Variants in SPATA6 observed in about 807,000 individuals in gnomAD.
SPATA6 encodes the protein spermatogenesis-associated protein 6.
A neutral mutation model predicts 65.3 loss-of-function variants in SPATA6; 56 were observed. The observed-to-expected ratio is 0.86, with a 90% CI of 0.69 to 1.07. The LOEUF (loss-of-function observed/expected upper bound fraction) is 1.07, where lower values mean the gene tolerates loss of function less well. Among genes scored for constraint, SPATA6 ranks in the 50% least tolerant of loss-of-function variants. The pLI is 0.00. For missense variants in SPATA6, 590 were observed against 594.8 expected (o/e 0.99, Z 0.08); for synonymous variants, 199 against 213.2 (o/e 0.93, Z 0.58).
chr1:48,381,352 A>G (rs1648554874), intron 9 of SPATA6, among the ~76,000 whole-genome samples: 1 of 152,220 alleles, frequency 6.6e-6, no homozygotes, highest in South Asian at 2.1e-4. Flanking sequence ...CTTGGTAAAA[A>G]TAGAAAATTC....
Position 48,296,647 on chromosome 1 carries a change from A to G in SPATA6, c.*2066T>C, listed in dbSNP as rs1394277000. 1 of 152,200 alleles carries G rather than the reference A, an allele frequency of 6.6e-6. No individual in the cohort carries two copies. The highest frequency in any genetic ancestry group is 1.5e-5 in the Non-Finnish European group (1 of 68,024). 9.4% of individuals were successfully genotyped at this position (152,200 alleles called of 1,614,324 possible). A position where few individuals can be genotyped will look rare whatever the true frequency, so the allele number is the denominator to read the frequency against. On this transcript the variant is annotated 3_prime_UTR_variant, in exon 13 of 13. Coordinates refer to ENST00000371847, the MANE Select transcript of SPATA6 (RefSeq NM_019073.4). ...TTTTCCATGGAAAAACACTGAGGAT[A>G]TAATTTTTTTAAAAGAGCATTATTC...
chr1:48,334,444 T>A (rs1019625167), intron 11 of SPATA6, among the ~76,000 whole-genome samples: 1 of 152,086 alleles, frequency 6.6e-6, no homozygotes, highest in African/African-American at 2.4e-5. Context: ...CACAATCAAG[T>A]AGACTTTAAT....
chr1:48,321,226 A>C (rs986886131), intron 11 of SPATA6, among the ~76,000 whole-genome samples: 1 of 152,170 alleles, frequency 6.6e-6, no homozygotes, highest in African/African-American at 2.4e-5. Flanking sequence ...GGAGTGGTGA[A>C]ATAAATTAAA....
At chr1:48,409,155 AC>A (rs1462275532) in intron 5 of SPATA6, among the ~76,000 whole-genome samples, 2 of 152,222 alleles carry the variant, frequency 1.3e-5, no homozygotes, top group Non-Finnish European at 2.9e-5. Context: ...CCTAGATACA[AC>A]GGGGGTATAG....
intron 1 of SPATA6, among the ~76,000 whole-genome samples, chr1:48,463,100 T>C (rs1400980642): frequency 2.0e-5 from 3 of 152,160 alleles, no homozygotes; most frequent in African/African-American, 4.8e-5. Context: ...TGTACTCAGA[T>C]TGAATTACAT....
At chr1:48,396,537 GAACA>G (rs1042764542) in intron 7 of SPATA6, among the ~76,000 whole-genome samples, 3 of 147,110 alleles carry the variant, frequency 2.0e-5, no homozygotes, top group Non-Finnish European at 4.5e-5. Context: ...AGAGAAGAAT[GAACA>G]AACAAATGTA....
intron 9 of SPATA6, among the ~76,000 whole-genome samples, chr1:48,381,844 C>CGGCCTT (rs1186400164): frequency 6.9e-6 from 1 of 145,202 alleles, no homozygotes; most frequent in Non-Finnish European, 1.5e-5. Context: ...GAGGACCCTG[C>CGGCCTT]GGCCTTGGCC....
At chr1:48,464,776 T>TGGCG (rs1331037670) in intron 1 of SPATA6, among the ~76,000 whole-genome samples, 3 of 152,144 alleles carry the variant, frequency 2.0e-5, no homozygotes, top group African/African-American at 7.2e-5. Flanking sequence ...GTAGGTGAAG[T>TGGCG]GGCGGGAGGG....
the SPATA6 span, among the ~76,000 whole-genome samples, chr1:48,268,954 T>G: frequency 6.6e-6 from 1 of 152,190 alleles, no homozygotes; most frequent in African/African-American, 2.4e-5. Context: ...GTAACCATCC[T>G]AGGTGGGTAT....
At chr1:48,361,421 A>G (rs1376554265) in intron 9 of SPATA6, among the ~76,000 whole-genome samples, 2 of 152,160 alleles carry the variant, frequency 1.3e-5, no homozygotes, top group Non-Finnish European at 1.5e-5. Flanking sequence ...GAAGTCATCG[A>G]TAACATCAAC....
intron 9 of SPATA6, among the ~76,000 whole-genome samples, chr1:48,382,577 C>T (rs1228579844): frequency 4.7e-4 from 53 of 111,874 alleles, no homozygotes; most frequent in Non-Finnish European, 7.4e-4. Flanking sequence ...GGCGGCCGGC[C>T]GGAAGGGGGG....
Position 48,426,762 on chromosome 1 carries a change from C to T in SPATA6, c.239-13611G>A, listed in dbSNP as rs544837478. Reference sequence around the variant, plus strand: ...AAGAAGAAAATTCCTACAATGACAGCAGCCAAAAAACATGTTAGCAAAATA... The same window carrying T: ...AAGAAGAAAATTCCTACAATGACAGTAGCCAAAAAACATGTTAGCAAAATA... On this transcript the variant is annotated intron_variant, in intron 3 of 12. Coordinates refer to ENST00000371847, the MANE Select transcript of SPATA6 (RefSeq NM_019073.4). 2.0e-5 allele frequency among the ~76,000 whole-genome samples: 3 copies of T among 151,984 alleles called. No homozygotes were observed. The East Asian group carries it at 5.8e-4, about 29-fold the overall frequency.
At chr1:48,317,185 C>A (rs538390022) in intron 11 of SPATA6, among the ~76,000 whole-genome samples, 1 of 152,168 alleles carries the variant, frequency 6.6e-6, no homozygotes, top group Non-Finnish European at 1.5e-5. Flanking sequence ...TGGGTATATA[C>A]CCAAAGGATT....
At chr1:48,414,887 A>T (rs1652611756) in intron 3 of SPATA6, among the ~76,000 whole-genome samples, 1 of 152,210 alleles carries the variant, frequency 6.6e-6, no homozygotes, top group Non-Finnish European at 1.5e-5. Context: ...TATTGGAATT[A>T]CTAAATCATG....
rs7534360 is a variant in SPATA6 at position 48,445,358 on chromosome 1, G to A, written c.238+6194C>T. Among the ~76,000 whole-genome samples, 1,202 of 152,164 alleles carry A rather than the reference G, an allele frequency of 7.9e-3. 21 individuals carry two copies. The highest frequency in any genetic ancestry group is 0.028 in the African/African-American group (1,146 of 41,524). On this transcript the variant is annotated intron_variant, in intron 3 of 12. Coordinates refer to ENST00000371847, the MANE Select transcript of SPATA6 (RefSeq NM_019073.4). ...CTTTCCCCTTCCATTACAGATCTACGTAGTTCTTAAAAAGCTAACACATGG... is the reference window on the plus strand; with the variant it reads ...CTTTCCCCTTCCATTACAGATCTACATAGTTCTTAAAAAGCTAACACATGG...
At chr1:48,283,697 A>AAACAAAGAAAGAAAGAAAGAAAGAAAG in the SPATA6 span, among the ~76,000 whole-genome samples, 1 of 12,004 alleles carries the variant, frequency 8.3e-5, no homozygotes, top group East Asian at 2.9e-3. Flanking sequence ...AAAAAAAAAA[A>AAACAAAGAAAGAAAGAAAGAAAGAAAG]AAAGAAAGAA....
chr1:48,284,170 A>C, the SPATA6 span, among the ~76,000 whole-genome samples: 1 of 151,684 alleles, frequency 6.6e-6, no homozygotes, highest in African/African-American at 2.4e-5. Flanking sequence ...ACACTATTTC[A>C]TTAAGTTGAT....
chr1:48,361,592 G>A (rs1358115732), intron 9 of SPATA6, among the ~76,000 whole-genome samples: 2 of 152,112 alleles, frequency 1.3e-5, no homozygotes, highest in African/African-American at 4.8e-5. Context: ...CTGCCTTTAA[G>A]AGTTTATGTT....
At chr1:48,347,380 C>T (rs898488512) in intron 11 of SPATA6, among the ~76,000 whole-genome samples, 1 of 149,824 alleles carries the variant, frequency 6.7e-6, no homozygotes, top group African/African-American at 2.4e-5. Context: ...CTAGGCAATA[C>T]CATTCACTAC....
Sources: gnomAD v4.1 joint callset for allele counts (sites outside exome capture counted in the v4.1 genomes callset) on GRCh38, gnomAD v4.1.1 for gene constraint, MANE v1.5 for transcripts, NCBI Gene and HGNC (gene_info 2026-07-23, HGNC 2026-07-21) for gene names.